Variants in AMN1 observed in about 807,000 individuals in gnomAD.
AMN1 encodes protein AMN1 homolog.
Under a neutral mutation model 33.0 loss-of-function variants are expected in AMN1, and 20 were observed. The observed-to-expected ratio is 0.61, with a 90% CI of 0.43 to 0.88. The LOEUF is 0.88. AMN1 is among the 40% of genes least tolerant of loss of function. AMN1 has a pLI of 0.00. For missense variants in AMN1, 246 were observed against 307.4 expected (o/e 0.80, Z 1.49); for synonymous variants, 114 against 111.9 (o/e 1.02, Z -0.12).
In AMN1 at chr12:31,718,407, A is replaced by G. The variant is rs138347284; in HGVS notation, c.39-8982T>C. Among the ~76,000 whole-genome samples the G allele has an allele frequency of 8.0e-3, 1,214 of 152,050 alleles. 18 individuals carry two copies. The highest frequency in any genetic ancestry group is 0.027 in the African/African-American group (1,131 of 41,484). On this transcript the variant is annotated intron_variant, in intron 1 of 6. Coordinates refer to ENST00000281471, the MANE Select transcript of AMN1 (RefSeq NM_001113402.2). ...TGTTATTACCAACCTTCTGAAGCCT[A>G]CTTCTGTCAACTCGTCAAACTCATT...
intron 2 of AMN1, among the ~76,000 whole-genome samples, chr12:31,702,245 T>C (rs1355884992): frequency 6.6e-6 from 1 of 152,170 alleles, no homozygotes; most frequent in Non-Finnish European, 1.5e-5. Context: ...CAAAGCACTG[T>C]TGAGATGGCT....
At chr12:31,684,810 G>T (rs1271006923) in intron 6 of AMN1, among the ~76,000 whole-genome samples, 1 of 151,874 alleles carries the variant, frequency 6.6e-6, no homozygotes, top group East Asian at 1.9e-4. Flanking sequence ...AATGGGTCCT[G>T]GGGTCTATTT....
chr12:31,681,735 G>A (rs1023270172), intron 6 of AMN1, among the ~76,000 whole-genome samples: 1 of 152,164 alleles, frequency 6.6e-6, no homozygotes, highest in East Asian at 1.9e-4. Context: ...GCAAGTCTCA[G>A]TTAATGTTGT....
At chr12:31,707,404 C>T (rs1257024652) in intron 2 of AMN1, among the ~76,000 whole-genome samples, 1 of 152,094 alleles carries the variant, frequency 6.6e-6, no homozygotes, top group African/African-American at 2.4e-5. Context: ...AGAACAACAC[C>T]ATTTTGTTCC....
intron 5 of AMN1, among the ~76,000 whole-genome samples, chr12:31,691,653 T>C (rs1191135508): frequency 1.3e-5 from 2 of 152,070 alleles, no homozygotes; most frequent in Non-Finnish European, 2.9e-5. Flanking sequence ...TATGTAAAAT[T>C]TGAAAGCATA....
chr12:31,684,290 GT>G (rs1314983040), intron 6 of AMN1, among the ~76,000 whole-genome samples: 2 of 152,030 alleles, frequency 1.3e-5, no homozygotes, highest in Non-Finnish European at 2.9e-5. Context: ...GAGTTTTGGG[GT>G]ATCAAAGAAG....
chr12:31,695,115 AC>A (rs1938665174), intron 5 of AMN1, among the ~76,000 whole-genome samples: 1 of 152,214 alleles, frequency 6.6e-6, no homozygotes, highest in South Asian at 2.1e-4. Flanking sequence ...CACTATAATC[AC>A]CAACACACTG....
chr12:31,717,549 T>C (rs141803832), intron 1 of AMN1, among the ~76,000 whole-genome samples: 1 of 152,374 alleles, frequency 6.6e-6, no homozygotes, highest in Non-Finnish European at 1.5e-5. Context: ...AATTCTTCTC[T>C]AGTGTCAAGC....
intron 3 of AMN1, 42 bp from the exon 4 acceptor site, chr12:31,697,999 G>A (rs749697871): frequency 1.3e-6 from 2 of 1,564,924 alleles, no homozygotes; most frequent in Non-Finnish European, 1.8e-6. Context: ...CTATATGTGT[G>A]TATATGTATA....
intron 2 of AMN1, among the ~76,000 whole-genome samples, chr12:31,707,851 G>C (rs1939308303): frequency 6.6e-6 from 1 of 152,294 alleles, no homozygotes; most frequent in East Asian, 1.9e-4. Context: ...GGACCAGCTG[G>C]AGCCATGGCA....
rs1465488949 is a variant in AMN1 at position 31,671,914 on chromosome 12, T to TGG, written c.*389_*390insCC. 1 of 155,550 alleles carries TGG rather than the reference T, an allele frequency of 6.4e-6. No homozygotes were observed. Among genetic ancestry groups the TGG allele is most frequent in the Non-Finnish European group, 1.4e-5 (1 of 70,312 alleles). 9.6% of individuals were successfully genotyped at this position (155,550 alleles called of 1,614,324 possible). A position where few individuals can be genotyped will look rare whatever the true frequency, so the allele number is the denominator to read the frequency against. On this transcript the variant is annotated 3_prime_UTR_variant, in exon 7 of 7. Coordinates refer to ENST00000281471, the MANE Select transcript of AMN1 (RefSeq NM_001113402.2). ...CTTTTAGAAATATGTTTACTTAGAT[T>TGG]CTCCCAAGGTTTATACTTACAGGTA...
intron 6 of AMN1, chr12:31,673,724 A>C (rs1159241483): frequency 2.7e-6 from 1 of 374,134 alleles, no homozygotes; most frequent in Non-Finnish European, 5.2e-6. Context: ...AAAAATGCTC[A>C]ACAAAACACC....
In AMN1 at chr12:31,701,904, AAATTT is replaced by A; in HGVS notation, c.270_274del (p.Leu90PhefsTer39). On this transcript the variant is annotated frameshift_variant, in exon 3 of 7. Transcript: ENST00000281471. LOFTEE classifies it high-confidence loss of function. ...AACTCGGTTCCCTTTTGAAGCATTT[AAATTT>A]AATTTCTTCAGTTTTCTACAGTTAG... is the stretch of plus-strand genomic sequence containing the variant. 1.2e-6 allele frequency: 2 copies of A among 1,608,212 alleles called. No individual in the cohort carries two copies. The highest frequency in any genetic ancestry group is 1.7e-6 in the Non-Finnish European group (2 of 1,178,466).
intron 1 of AMN1, among the ~76,000 whole-genome samples, chr12:31,714,042 A>G (rs922827376): frequency 6.6e-6 from 1 of 152,090 alleles, no homozygotes; most frequent in Non-Finnish European, 1.5e-5. Context: ...TAAAATATAA[A>G]TAAAGTTCCC....
At chr12:31,692,152 C>T (rs1355414701) in intron 5 of AMN1, among the ~76,000 whole-genome samples, 1 of 151,294 alleles carries the variant, frequency 6.6e-6, no homozygotes, top group East Asian at 2.0e-4. Context: ...GTTGGGATTA[C>T]AGGTGTGAGC....
intron 5 of AMN1, 21 bp downstream of exon 5, chr12:31,697,340 T>G (rs1007136260): frequency 3.7e-6 from 6 of 1,602,560 alleles, no homozygotes; most frequent in Non-Finnish European, 4.3e-6. Flanking sequence ...ACCACCATCT[T>G]TATAATTGTT....
At chr12:31,690,432 T>A (rs1938452357) in intron 5 of AMN1, among the ~76,000 whole-genome samples, 1 of 152,152 alleles carries the variant, frequency 6.6e-6, no homozygotes, top group Admixed American at 6.6e-5. Context: ...ATTTTTTTAT[T>A]TTTTTTATTA....
chr12:31,688,534 G>A (rs773290473), intron 6 of AMN1, among the ~76,000 whole-genome samples: 3 of 152,158 alleles, frequency 2.0e-5, no homozygotes, highest in Non-Finnish European at 4.4e-5. Flanking sequence ...GAGGCCGGGC[G>A]CGGCAGCTAA....
chr12:31,718,681 G>A (rs1447734414), intron 1 of AMN1, among the ~76,000 whole-genome samples: 1 of 152,204 alleles, frequency 6.6e-6, no homozygotes, highest in Non-Finnish European at 1.5e-5. Flanking sequence ...TCAGCTGCAG[G>A]TCTGTTGGAG....
Sources: gnomAD v4.1 joint callset for allele counts (sites outside exome capture counted in the v4.1 genomes callset) on GRCh38, gnomAD v4.1.1 for gene constraint, MANE v1.5 for transcripts, NCBI Gene and HGNC (gene_info 2026-07-23, HGNC 2026-07-21) for gene names.